STAT2: variants seen among roughly 807,000 people sequenced by gnomAD.
STAT2 encodes the protein signal transducer and activator of transcription 2.
Under a neutral mutation model 122.3 loss-of-function variants are expected in STAT2, and 51 were observed. The ratio of observed to expected loss-of-function variants is 0.42; its 90% confidence interval spans 0.33 to 0.53. The LOEUF is 0.53. Among genes scored for constraint, STAT2 ranks in the 20% least tolerant of loss-of-function variants. The probability of loss-of-function intolerance (pLI) is 0.10; values close to 1 mark genes in which losing one functional copy is unlikely to be tolerated. For missense variants in STAT2, 736 were observed against 1,010.3 expected (o/e 0.73, Z 3.68); for synonymous variants, 351 against 394.9 (o/e 0.89, Z 1.32).
At chr12:56,346,270 A>G in intron 21 of STAT2, 67 bp from the exon 22 acceptor site, 1 of 1,596,056 alleles carries the variant, frequency 6.3e-7, no homozygotes, top group Non-Finnish European at 8.6e-7. Context: ...AGGTTCCCCT[A>G]GTGCAGATGG....
intron 8 of STAT2, among the ~76,000 whole-genome samples, chr12:56,351,992 A>T (rs1462204980): frequency 2.7e-4 from 41 of 152,150 alleles, no homozygotes; most frequent in Non-Finnish European, 4.4e-5. Context: ...TCCTGGATTC[A>T]AGAGATTCTC....
rs191220381 is a variant in STAT2, at chr12:56,357,383, C to T, written c.-7-805G>A. On this transcript the variant is annotated intron_variant, in intron 1 of 23. Coordinates refer to ENST00000314128, the MANE Select transcript of STAT2 (RefSeq NM_005419.4). ...TCAGATGGAGTCTCGATCTGTTGCC[C>T]AGGCTGGAGTGCAGTGGTGTGATTT... is the stretch of plus-strand genomic sequence containing the variant. Among the ~76,000 whole-genome samples the T allele has an allele frequency of 2.6e-5, 4 of 151,918 alleles. No individual in the cohort carries two copies. In the East Asian group the frequency reaches 7.8e-4, roughly 30 times the overall value.
At chr12:56,355,152 G>T (rs2136085818) in intron 6 of STAT2, 124 bp downstream of exon 6, 1 of 1,145,756 alleles carries the variant, frequency 8.7e-7, no homozygotes, top group Non-Finnish European at 1.3e-6. Context: ...ACGGCAGCAG[G>T]ACTGTAGTCA....
chr12:56,348,418 G>T, intron 19 of STAT2, 111 bp downstream of exon 19: 1 of 1,069,546 alleles, frequency 9.3e-7, no homozygotes, highest in Non-Finnish European at 1.4e-6. Context: ...AGGAGACGTG[G>T]CCTGCACCTG....
At position 56,349,068 on chromosome 12, in the gene STAT2, G is replaced by C; in HGVS notation, c.1441-9C>G. The C allele has an allele frequency of 6.2e-7, 1 of 1,613,164 alleles. No homozygotes were observed. Among genetic ancestry groups the C allele is most frequent in the Non-Finnish European group, 8.5e-7 (1 of 1,179,384 alleles). On this transcript the variant is annotated splice_polypyrimidine_tract_variant and intron_variant, in intron 16 of 23. Coordinates refer to ENST00000314128, the MANE Select transcript of STAT2 (RefSeq NM_005419.4). ...GAGAAGAACTGCTGGTTCTGCAGGG[G>C]TGGGAGCAGTGTAGGCTGGCTCAGA...
chr12:56,358,863 T>G (rs762560626), intron 1 of STAT2, among the ~76,000 whole-genome samples: 1 of 152,066 alleles, frequency 6.6e-6, no homozygotes, highest in Non-Finnish European at 1.5e-5. Context: ...ATCACTACAC[T>G]CCAGCCTGGG....
At chr12:56,354,016 A>AAAT (rs71081350) in intron 8 of STAT2, among the ~76,000 whole-genome samples, 2 of 16,700 alleles carry the variant, frequency 1.2e-4, no homozygotes, top group Non-Finnish European at 3.2e-4. Flanking sequence ...AAAAAAAAAA[A>AAAT]ATATATATAT....
At chr12:56,357,232 G>A (rs1159334583) in intron 1 of STAT2, among the ~76,000 whole-genome samples, 1 of 151,552 alleles carries the variant, frequency 6.6e-6, no homozygotes, top group Non-Finnish European at 1.5e-5. Context: ...TAGAGATGGG[G>A]TTTTGCCATG....
At chr12:56,346,262 G>T in intron 21 of STAT2, 59 bp from the exon 22 acceptor site, 2 of 1,603,622 alleles carry the variant, frequency 1.2e-6, no homozygotes, top group Non-Finnish European at 1.7e-6. Flanking sequence ...ATAGCCTGAG[G>T]TTCCCCTAGT....
intron 22 of STAT2, among the ~76,000 whole-genome samples, chr12:56,345,685 G>A (rs1419490108): frequency 6.8e-6 from 1 of 147,062 alleles, no homozygotes; most frequent in African/African-American, 2.6e-5. Context: ...GCTGAGTTTG[G>A]TGATGCATGC....
chr12:56,354,016 A>AAAAACATATATATATATATATATAT (rs71081350), intron 8 of STAT2, among the ~76,000 whole-genome samples: 1 of 16,678 alleles, frequency 6.0e-5, no homozygotes, highest in Non-Finnish European at 1.6e-4. Flanking sequence ...AAAAAAAAAA[A>AAAAACATATATATATATATATATAT]ATATATATAT....
chr12:56,355,124 A>C (rs1879304366), intron 6 of STAT2, 152 bp downstream of exon 6: 1 of 907,078 alleles, frequency 1.1e-6, no homozygotes, highest in Non-Finnish European at 1.7e-6. Flanking sequence ...AGCCTCCACA[A>C]AGCACTTCCA....
chr12:56,342,932 T>C lies in STAT2; in HGVS notation c.*457A>G, dbSNP rs184149745. 6.5e-6 allele frequency: 1 copy of C among 154,040 alleles called. No homozygotes were observed. The highest frequency in any genetic ancestry group is 1.4e-5 in the Non-Finnish European group (1 of 69,418). 9.5% of individuals were successfully genotyped at this position (154,040 alleles called of 1,614,324 possible). On this transcript the variant is annotated 3_prime_UTR_variant, in exon 24 of 24. Coordinates refer to ENST00000314128, the MANE Select transcript of STAT2 (RefSeq NM_005419.4). The stretch of plus-strand genomic sequence containing the variant: ...GTAAAGGAAAGAAGAAAGCAAGTTA[T>C]CCTAGACATGAAGGAATGGAAGAAA...
At chr12:56,359,860 G>C (rs1222929951) in intron 1 of STAT2, among the ~76,000 whole-genome samples, 198 bp downstream of exon 1, 1 of 152,118 alleles carries the variant, frequency 6.6e-6, no homozygotes, top group Non-Finnish European at 1.5e-5. Context: ...GGCAGTTTTG[G>C]GAGAGGGGCA....
At chr12:56,349,093 A>T (rs1288444381) in intron 16 of STAT2, 34 bp from the exon 17 acceptor site, 1 of 1,613,626 alleles carries the variant, frequency 6.2e-7, no homozygotes, top group Admixed American at 1.7e-5. Context: ...GCTGGCTCAG[A>T]AGCAACCTAT....
rs1234113486 is a variant in STAT2 at position 56,343,282 on chromosome 12, A to G, written c.*107T>C. On this transcript the variant is annotated 3_prime_UTR_variant, in exon 24 of 24. Transcript: ENST00000314128. ...ACAGGCCTGAGTTTGAACAGTTAAC[A>G]CAGCTTGGAAGGGACACATGCCTGA... is the stretch of plus-strand genomic sequence containing the variant. 2 of 1,497,954 alleles carry G rather than the reference A, an allele frequency of 1.3e-6. No individual in the cohort carries two copies. The highest frequency in any genetic ancestry group is 2.6e-5 in the South Asian group (2 of 76,880). The allele number at this position is 1,497,954 out of a possible 1,614,324, so 92.8% of individuals were successfully genotyped here.
In STAT2 at chr12:56,354,463, C is replaced by T. The variant is rs769638627; in HGVS notation, c.782+3G>A. On this transcript the variant is annotated splice_donor_region_variant and intron_variant, in intron 8 of 23. Transcript: ENST00000314128. ...GGACGAGGGTTGGGGTGGTACCTCT[C>T]ACCATGTCTCCAGCTGTTCCAACCC... 1.5e-5 allele frequency: 24 copies of T among 1,613,968 alleles called. No homozygotes were observed. Among genetic ancestry groups the T allele is most frequent in the Non-Finnish European group, 1.8e-5 (21 of 1,180,028 alleles).
At chr12:56,351,504 T>A (rs941520809) in intron 8 of STAT2, 54 bp from the exon 9 acceptor site, 2 of 1,574,214 alleles carry the variant, frequency 1.3e-6, no homozygotes, top group Non-Finnish European at 1.7e-6. Context: ...GATTCCCCCA[T>A]CCAGGTTCCA....
At position 56,342,895 on chromosome 12, in the gene STAT2, C is replaced by T. The variant is rs777746661; in HGVS notation, c.*494G>A. 1 of 152,472 alleles carries T rather than the reference C, an allele frequency of 6.6e-6. No homozygotes were observed. The highest frequency in any genetic ancestry group is 1.5e-5 in the Non-Finnish European group (1 of 68,302). The allele number at this position is 152,472 out of a possible 1,614,324, so 9.4% of individuals were successfully genotyped here. ...CTGCAGGAAAAGAAGAAATTCAGGG[C>T]TTGAGCCAGGAGTAAAGGAAAGAAG... On this transcript the variant is annotated 3_prime_UTR_variant, in exon 24 of 24. Transcript: ENST00000314128.
Sources: allele counts gnomAD v4.1 joint callset (sites outside exome capture counted in the v4.1 genomes callset), GRCh38; gene constraint gnomAD v4.1.1; transcripts MANE v1.5; gene names NCBI Gene and HGNC (gene_info 2026-07-23, HGNC 2026-07-21).